The following TUSC3 variants were observed in gnomAD, a reference collection of about 807,000 sequenced individuals.
The protein encoded by TUSC3 is dolichyl-diphosphooligosaccharide--protein glycosyltransferase subunit TUSC3.
A neutral mutation model predicts 44.8 loss-of-function variants in TUSC3; 45 were observed. The observed-to-expected ratio is 1.00, with a 90% CI of 0.79 to 1.29. The LOEUF (loss-of-function observed/expected upper bound fraction) is 1.29, where lower values mean the gene tolerates loss of function less well. Ranked by LOEUF, TUSC3 falls within the 50% of genes most tolerant of loss-of-function variation. The probability of loss-of-function intolerance (pLI) is 0.00; values close to 1 mark genes in which losing one functional copy is unlikely to be tolerated. For synonymous variants in TUSC3, 212 were observed against 152.9 expected, an observed-to-expected ratio of 1.39 and a Z score of -2.85; for missense variants, 519 against 437.9, an observed-to-expected ratio of 1.19 and a Z score of -1.65.
At chr8:15,522,758 T>C (rs1043478654) in intron 2 of TUSC3, among the ~76,000 whole-genome samples, 2 of 152,060 alleles carry the variant, frequency 1.3e-5, no homozygotes, top group African/African-American at 4.8e-5. Flanking sequence ...CTCAGGGCTT[T>C]TGTGATATCT....
At chr8:15,719,340 T>G (rs1328543202) in intron 6 of TUSC3, among the ~76,000 whole-genome samples, 1 of 152,104 alleles carries the variant, frequency 6.6e-6, no homozygotes. Context: ...TGTTCACAAC[T>G]GTGCTCAGAT....
Position 15,689,296 on chromosome 8 carries a change from A to T in TUSC3, c.798+15460A>T, listed in dbSNP as rs577205305. ...TAGCTGCATAATTGTCTCTTGGACCATTACTTTCCTGGTAGTAGTCACCAT... is the reference window on the plus strand; with the variant it reads ...TAGCTGCATAATTGTCTCTTGGACCTTTACTTTCCTGGTAGTAGTCACCAT... On this transcript the variant is annotated intron_variant, in intron 6 of 10. Transcript: ENST00000503731. 58 of 320,494 alleles carry T rather than the reference A, an allele frequency of 1.8e-4. 1 individual carries two copies. The highest frequency in any genetic ancestry group is 1.7e-3 in the South Asian group (56 of 33,612). 19.9% of individuals were successfully genotyped at this position (320,494 alleles called of 1,614,324 possible).
chr8:15,477,970 A>T (rs751348887), intron 1 of TUSC3, among the ~76,000 whole-genome samples: 3 of 152,020 alleles, frequency 2.0e-5, no homozygotes, highest in Non-Finnish European at 4.4e-5. Flanking sequence ...AAGTAATTTT[A>T]TGTTTTTGAC....
the TUSC3 span, among the ~76,000 whole-genome samples, chr8:15,835,725 G>C: frequency 2.0e-5 from 3 of 152,168 alleles, no homozygotes; most frequent in Non-Finnish European, 4.4e-5. Context: ...TCTACTTTCA[G>C]TGTGTATGGG....
chr8:15,577,909 C>T lies in TUSC3; in HGVS notation c.138+37341C>T, dbSNP rs1256284812. Among the ~76,000 whole-genome samples, 159 of 150,676 alleles carry T rather than the reference C, an allele frequency of 1.1e-3. 1 individual carries two copies. The highest frequency in any genetic ancestry group is 3.4e-3 in the Middle Eastern group (1 of 292). ...AATCTGTAAATTACCTTGGGCAGTACGGCCATTTTTATGATACTGATTCTT... is the reference window on the plus strand; with the variant it reads ...AATCTGTAAATTACCTTGGGCAGTATGGCCATTTTTATGATACTGATTCTT... On this transcript the variant is annotated intron_variant, in intron 1 of 10. Coordinates refer to ENST00000503731, the MANE Select transcript of TUSC3 (RefSeq NM_006765.4).
intron 1 of TUSC3, among the ~76,000 whole-genome samples, chr8:15,468,307 G>A (rs1241315636): frequency 2.0e-5 from 3 of 152,132 alleles, no homozygotes; most frequent in Non-Finnish European, 2.9e-5. Context: ...AAGCCCACTG[G>A]GTGTTGAACG....
At chr8:15,511,609 C>G (rs1801136321) in intron 2 of TUSC3, among the ~76,000 whole-genome samples, 1 of 152,128 alleles carries the variant, frequency 6.6e-6, no homozygotes, top group Admixed American at 6.6e-5. Context: ...GTAGCTCACG[C>G]CTGTAATTCC....
Position 15,492,763 on chromosome 8 carries a change from C to T in TUSC3, n.189+9280C>T, listed in dbSNP as rs1342744282. Among the ~76,000 whole-genome samples, 5 of 150,854 alleles carry T rather than the reference C, an allele frequency of 3.3e-5. No homozygotes were observed. In the South Asian group the frequency reaches 8.5e-4, roughly 26 times the overall value. On this transcript the variant is annotated intron_variant and non_coding_transcript_variant, in intron 2 of 5. Coordinates refer to the TUSC3 transcript ENST00000503191. ...ACCTGCCTGGGCAATATAGTGAGAT[C>T]CCGTTCTCCATAAAAAGGAAAAAAA...
At chr8:15,604,032 ATATAT>A (rs1245770060) in intron 1 of TUSC3, among the ~76,000 whole-genome samples, 1 of 151,700 alleles carries the variant, frequency 6.6e-6, no homozygotes, top group Non-Finnish European at 1.5e-5. Context: ...GAAAAATGTA[ATATAT>A]TAATATGATG....
chr8:15,663,918 G>A (rs1223079055), intron 5 of TUSC3, among the ~76,000 whole-genome samples: 1 of 151,808 alleles, frequency 6.6e-6, no homozygotes, highest in Non-Finnish European at 1.5e-5. Context: ...AAGAGTTAAT[G>A]TCATATCAAA....
At chr8:15,581,891 G>C (rs1176646743) in intron 1 of TUSC3, among the ~76,000 whole-genome samples, 1 of 140,090 alleles carries the variant, frequency 7.1e-6, no homozygotes, top group Non-Finnish European at 1.5e-5. Context: ...GGCAATGGCG[G>C]GCGCCCCTCC....
At chr8:15,738,148 A>G (rs1354224846) in intron 7 of TUSC3, among the ~76,000 whole-genome samples, 1 of 152,190 alleles carries the variant, frequency 6.6e-6, no homozygotes, top group African/African-American at 2.4e-5. Flanking sequence ...CTTTTGCAAG[A>G]AACATTCTGA....
At chr8:15,829,573 T>G in the TUSC3 span, among the ~76,000 whole-genome samples, 1 of 152,142 alleles carries the variant, frequency 6.6e-6, no homozygotes, top group South Asian at 2.1e-4. Context: ...ATTTACCCTG[T>G]TTTTGACTAT....
the TUSC3 span, among the ~76,000 whole-genome samples, chr8:15,820,422 C>G: frequency 6.6e-6 from 1 of 150,912 alleles, no homozygotes; most frequent in African/African-American, 2.4e-5. Flanking sequence ...AGCGATCAAG[C>G]GATTCTCCTG....
chr8:15,776,105 C>A, the TUSC3 span, among the ~76,000 whole-genome samples: 5 of 152,088 alleles, frequency 3.3e-5, no homozygotes, highest in Admixed American at 6.6e-5. Flanking sequence ...CTTATCATGA[C>A]GGAGAGGGTA....
intron 1 of TUSC3, among the ~76,000 whole-genome samples, chr8:15,608,421 G>A (rs1382284190): frequency 6.6e-6 from 1 of 152,142 alleles, no homozygotes; most frequent in African/African-American, 2.4e-5. Flanking sequence ...CCTAGGGCTA[G>A]GGGTGAGCCT....
intron 6 of TUSC3, among the ~76,000 whole-genome samples, chr8:15,720,409 C>G (rs539945757): frequency 2.0e-4 from 31 of 152,096 alleles, no homozygotes; most frequent in Admixed American, 1.4e-3. Flanking sequence ...TTAGTTAAAC[C>G]CAGTCTGAAG....
chr8:15,790,288 C>T, the TUSC3 span, among the ~76,000 whole-genome samples: 5 of 144,192 alleles, frequency 3.5e-5, no homozygotes, highest in Admixed American at 7.4e-5. Flanking sequence ...CAGGTTCAAG[C>T]GATTCTCCTG....
At chr8:15,488,576 A>C (rs919220009) in intron 2 of TUSC3, among the ~76,000 whole-genome samples, 3 of 152,090 alleles carry the variant, frequency 2.0e-5, no homozygotes, top group African/African-American at 7.2e-5. Flanking sequence ...TATAAGCCCT[A>C]ATCACCAGTG....
Sources: allele counts gnomAD v4.1 joint callset (sites outside exome capture counted in the v4.1 genomes callset), GRCh38; gene constraint gnomAD v4.1.1; transcripts MANE v1.5; gene names NCBI Gene and HGNC (gene_info 2026-07-23, HGNC 2026-07-21).